The following RPSA2 variants were observed in gnomAD, a reference collection of about 807,000 sequenced individuals.
RPSA2 encodes the protein ribosomal protein SA 2, also known as small ribosomal subunit protein uS2B.
At chr19:23,792,520 T>TA in the RPSA2 span, among the ~76,000 whole-genome samples, 3 of 152,010 alleles carry the variant, frequency 2.0e-5, no homozygotes, top group African/African-American at 7.2e-5. Context: ...CAGATGTATA[T>TA]AAAAAATTGA....
the RPSA2 span, among the ~76,000 whole-genome samples, chr19:23,789,374 A>ATGACTCTCCTGTC: frequency 6.6e-6 from 1 of 152,256 alleles, no homozygotes; most frequent in East Asian, 1.9e-4. Context: ...GTGATGTGAT[A>ATGACTCTCCTGTC]TGACTCTCCT....
the RPSA2 span, among the ~76,000 whole-genome samples, chr19:23,788,410 C>T: frequency 6.6e-6 from 1 of 152,158 alleles, no homozygotes; most frequent in African/African-American, 2.4e-5. Context: ...ACTTCCTCTA[C>T]TGCTTGGACT....
chr19:23,813,509 A>G, the RPSA2 span, among the ~76,000 whole-genome samples: 57 of 152,182 alleles, frequency 3.7e-4, no homozygotes, highest in African/African-American at 1.2e-3. Context: ...TTCAAAGTGT[A>G]TCTTTAAATG....
At chr19:23,790,901 C>G in the RPSA2 span, 1 of 475,058 alleles carries the variant, frequency 2.1e-6, no homozygotes, top group Non-Finnish European at 3.8e-6. Flanking sequence ...TTCTCCTTGC[C>G]CAGGTTGGCA....
At chr19:23,833,198 A>G in the RPSA2 span, 1 of 1,186,484 alleles carries the variant, frequency 8.4e-7, no homozygotes, top group Non-Finnish European at 1.1e-6. Flanking sequence ...AAACATAAGA[A>G]AATTTATACT....
chr19:23,774,313 CAT>C, the RPSA2 span, among the ~76,000 whole-genome samples: 1 of 152,190 alleles, frequency 6.6e-6, no homozygotes, highest in Non-Finnish European at 1.5e-5. Context: ...AGCATTGTGA[CAT>C]ATATTTCCAC....
the RPSA2 span, among the ~76,000 whole-genome samples, chr19:23,797,690 C>T: frequency 1.3e-5 from 2 of 152,164 alleles, no homozygotes; most frequent in Admixed American, 6.6e-5. Context: ...GTTGTAGTCT[C>T]CCACTATTGT....
the RPSA2 span, among the ~76,000 whole-genome samples, chr19:23,862,426 T>C: frequency 2.0e-5 from 3 of 150,840 alleles, no homozygotes; most frequent in East Asian, 3.9e-4. Flanking sequence ...TGAATAGGAG[T>C]GGTGAGAGAG....
At chr19:23,849,309 A>G in the RPSA2 span, among the ~76,000 whole-genome samples, 1 of 120,340 alleles carries the variant, frequency 8.3e-6, no homozygotes, top group African/African-American at 3.2e-5. Context: ...AAGCAATCTG[A>G]GGTGCCCAGG....
At chr19:23,814,367 A>C in the RPSA2 span, among the ~76,000 whole-genome samples, 7 of 152,002 alleles carry the variant, frequency 4.6e-5, no homozygotes, top group Non-Finnish European at 8.8e-5. Flanking sequence ...TCTTTTTTCT[A>C]TTGTGTGCTC....
chr19:23,856,326 C>A, the RPSA2 span, among the ~76,000 whole-genome samples: 4 of 152,120 alleles, frequency 2.6e-5, no homozygotes, highest in African/African-American at 9.7e-5. Context: ...CTAACGTTCC[C>A]TTTTCAGGAA....
the RPSA2 span, among the ~76,000 whole-genome samples, chr19:23,817,023 C>CTTGAA: frequency 6.6e-6 from 1 of 152,090 alleles, no homozygotes; most frequent in Admixed American, 6.5e-5. Flanking sequence ...AAACAATATA[C>CTTGAA]TTTAATGACA....
chr19:23,801,378 A>G, the RPSA2 span, among the ~76,000 whole-genome samples: 6 of 152,060 alleles, frequency 3.9e-5, no homozygotes, highest in African/African-American at 2.4e-5. Flanking sequence ...AGCTTGGATT[A>G]CAGGCATGTG....
the RPSA2 span, chr19:23,790,903 AG>A: frequency 2.1e-4 from 99 of 475,868 alleles, no homozygotes; most frequent in Non-Finnish European, 3.0e-4. Flanking sequence ...CTCCTTGCCC[AG>A]GTTGGCATCC....
chr19:23,841,845 C>T, the RPSA2 span, among the ~76,000 whole-genome samples: 1 of 152,184 alleles, frequency 6.6e-6, no homozygotes. Context: ...CACTTGTACT[C>T]CAAACTTACT....
the RPSA2 span, among the ~76,000 whole-genome samples, chr19:23,802,842 G>A: frequency 6.6e-6 from 1 of 152,008 alleles, no homozygotes; most frequent in Non-Finnish European, 1.5e-5. Context: ...ATAGACATGT[G>A]CAAAAATATG....
At chr19:23,798,983 G>T in the RPSA2 span, 1 of 152,138 alleles carries the variant, frequency 6.6e-6, no homozygotes, top group East Asian at 1.9e-4. Flanking sequence ...GCATTCAAAG[G>T]CTAGAAAATT....
At chr19:23,775,033 A>G in the RPSA2 span, among the ~76,000 whole-genome samples, 1 of 152,166 alleles carries the variant, frequency 6.6e-6, no homozygotes, top group Non-Finnish European at 1.5e-5. Context: ...ACTATCTTTC[A>G]TATGTGGGCT....
At chr19:23,838,112 G>T in the RPSA2 span, among the ~76,000 whole-genome samples, 1 of 152,154 alleles carries the variant, frequency 6.6e-6, no homozygotes, top group Non-Finnish European at 1.5e-5. Flanking sequence ...ATTAAGCTGT[G>T]TCCTTTTTAT....
Sources: gnomAD v4.1 joint callset for allele counts (sites outside exome capture counted in the v4.1 genomes callset) on GRCh38, gnomAD v4.1.1 for gene constraint, MANE v1.5 for transcripts, NCBI Gene and HGNC (gene_info 2026-07-23, HGNC 2026-07-21) for gene names.